DPYSL3: variants seen among roughly 807,000 people sequenced by gnomAD.
DPYSL3 encodes the protein dihydropyrimidinase like 3, also known as dihydropyrimidinase-related protein 3.
In DPYSL3, 16 loss-of-function variants were observed where a neutral mutation model predicts 66.1. The observed-to-expected ratio is 0.24, with a 90% CI of 0.16 to 0.37. The LOEUF (loss-of-function observed/expected upper bound fraction) is 0.37. DPYSL3 is among the 10% of genes least tolerant of loss of function. DPYSL3 has a pLI of 1.00. For synonymous variants in DPYSL3, 338 were observed against 345.1 expected (o/e 0.98, Z 0.23); for missense variants, 738 against 916.2 (o/e 0.81, Z 2.51).
intron 7 of DPYSL3, among the ~76,000 whole-genome samples, chr5:147,406,543 A>G (rs1474162219): frequency 5.3e-5 from 8 of 152,304 alleles, no homozygotes; most frequent in African/African-American, 1.7e-4. Flanking sequence ...GGATTAAATG[A>G]GTTCATCCTT....
chr5:147,457,053 T>C (rs951270353), intron 1 of DPYSL3, among the ~76,000 whole-genome samples: 1 of 151,702 alleles, frequency 6.6e-6, no homozygotes, highest in Non-Finnish European at 1.5e-5. Context: ...CATTCATTCA[T>C]TCTCAAAATA....
intron 3 of DPYSL3, among the ~76,000 whole-genome samples, chr5:147,416,435 C>T (rs1458053622): frequency 6.6e-6 from 1 of 152,194 alleles, no homozygotes; most frequent in Non-Finnish European, 1.5e-5. Flanking sequence ...GCCCGCAGAT[C>T]TTATTTCCAT....
At chr5:147,424,288 T>C (rs1752146798) in intron 2 of DPYSL3, among the ~76,000 whole-genome samples, 1 of 152,232 alleles carries the variant, frequency 6.6e-6, no homozygotes, top group African/African-American at 2.4e-5. Flanking sequence ...ACTTTGTTTT[T>C]TGTGATGAAA....
chr5:147,393,939 C>T lies in DPYSL3; in HGVS notation c.*96G>A, dbSNP rs1033746347. On this transcript the variant is annotated 3_prime_UTR_variant, in exon 14 of 14. Transcript: ENST00000343218. Reference sequence around the variant, plus strand: ...GCTTATTGATTCTTTAGATCACAACCGTTTGGATTCGCTTTCCTTCTTAAA... The same window carrying T: ...GCTTATTGATTCTTTAGATCACAACTGTTTGGATTCGCTTTCCTTCTTAAA... The T allele has an allele frequency of 6.4e-6, 8 of 1,247,616 alleles. No individual in the cohort carries two copies. In the East Asian group the frequency reaches 1.4e-4, roughly 22 times the overall value. 77.3% of individuals were successfully genotyped at this position (1,247,616 alleles called of 1,614,324 possible). A position where few individuals can be genotyped will look rare whatever the true frequency, so the allele number is the denominator to read the frequency against.
intron 3 of DPYSL3, among the ~76,000 whole-genome samples, chr5:147,417,314 C>T (rs1024044536): frequency 3.3e-5 from 5 of 152,192 alleles, no homozygotes; most frequent in African/African-American, 4.8e-5. Flanking sequence ...AAAGCAAATG[C>T]GTGGAGCTAC....
At chr5:147,453,902 A>T (rs1199717154) in intron 1 of DPYSL3, 8 of 412,692 alleles carry the variant, frequency 1.9e-5, no homozygotes, top group African/African-American at 1.7e-4. Context: ...AGAATGGCTG[A>T]TCTGCGACTC....
intron 8 of DPYSL3, among the ~76,000 whole-genome samples, chr5:147,403,289 G>A (rs1758244831): frequency 6.6e-6 from 1 of 152,118 alleles, no homozygotes; most frequent in Non-Finnish European, 1.5e-5. Flanking sequence ...AAGGATACAG[G>A]ACCATAAAGA....
chr5:147,454,157 C>G (rs1752802986), intron 1 of DPYSL3: 1 of 152,252 alleles, frequency 6.6e-6, no homozygotes, highest in South Asian at 2.1e-4. Context: ...GCCAGCTCCT[C>G]GTCGGATCTC....
In DPYSL3 at chr5:147,489,101, T is replaced by C. The variant is rs184294548; in HGVS notation, c.381+20377A>G. On this transcript the variant is annotated intron_variant, in intron 1 of 13. Coordinates refer to ENST00000343218, the MANE Select transcript of DPYSL3 (RefSeq NM_001197294.2). ...GTAACTGTTGGAGTCCCTCTCCACT[T>C]CTTCCTTTCCATGCTCTATCTCCTG... Among the ~76,000 whole-genome samples the C allele has an allele frequency of 2.6e-5, 4 of 152,278 alleles. No homozygotes were observed. The East Asian group carries it at 7.7e-4, about 29-fold the overall frequency.
chr5:147,496,658 A>G (rs1484994782), intron 1 of DPYSL3, among the ~76,000 whole-genome samples: 1 of 152,240 alleles, frequency 6.6e-6, no homozygotes, highest in East Asian at 1.9e-4. Context: ...AATGCTCATC[A>G]TCACTGGCCA....
chr5:147,431,875 G>T (rs1052205808), intron 1 of DPYSL3, among the ~76,000 whole-genome samples: 9 of 152,118 alleles, frequency 5.9e-5, no homozygotes, highest in African/African-American at 2.2e-4. Flanking sequence ...TGTAGAGAGG[G>T]CAGTAAGGTC....
At position 147,509,791 on chromosome 5, in the gene DPYSL3, G is replaced by A; in HGVS notation, c.68C>T (p.Pro23Leu). 2 of 1,535,966 alleles carry A rather than the reference G, an allele frequency of 1.3e-6. No individual in the cohort carries two copies. The highest frequency in any genetic ancestry group is 1.7e-6 in the Non-Finnish European group (2 of 1,146,796). The change falls in exon 1 of 14, where the codon CCG (proline) becomes CTG (leucine). Residue 23 changes from proline to leucine, a missense_variant. By Grantham distance (98) the Pro-to-Leu change is moderately conservative. Coordinates refer to ENST00000343218, the MANE Select transcript of DPYSL3 (RefSeq NM_001197294.2). The surrounding 1 kb of genome is among the most constrained non-coding windows in gnomAD (Gnocchi z 5.3). ...EDDLPVYLAR[P>L]GTTDQVPRQK... The stretch of plus-strand genomic sequence containing the variant: ...CCGCGGGACCTGGTCCGTGGTGCCC[G>A]GCCTGGCCAGGTACACGGGCAGATC...
chr5:147,442,177 C>A (rs1467642804), intron 1 of DPYSL3, among the ~76,000 whole-genome samples: 1 of 152,202 alleles, frequency 6.6e-6, no homozygotes, highest in East Asian at 1.9e-4. Flanking sequence ...AACAAACACA[C>A]ATACACACAG....
rs1757898171 is a variant in DPYSL3 at position 147,394,115 on chromosome 5, C to G, written c.1975G>C (p.Val659Leu). ...QSGFSLSGTQ[V>L]DEGVRSASKR... ...CTGGCTGAGCGAACCCCCTCATCCA[C>G]TTGGGTGCCTACAGTTGGAAATAAA... Residue 659 changes from valine (V) to leucine (L), a missense_variant, in exon 14 of 14, where the codon GTG becomes CTG. Coordinates refer to ENST00000343218, the MANE Select transcript of DPYSL3 (RefSeq NM_001197294.2). 1.2e-6 allele frequency: 2 copies of G among 1,614,026 alleles called. No individual in the cohort carries two copies. The highest frequency in any genetic ancestry group is 4.5e-5 in the East Asian group (2 of 44,836).
chr5:147,494,465 A>G lies in DPYSL3; in HGVS notation c.381+15013T>C, dbSNP rs181800400. Among the ~76,000 whole-genome samples the G allele has an allele frequency of 2.0e-5, 3 of 152,184 alleles. No homozygotes were observed. The East Asian group carries it at 5.8e-4, about 29-fold the overall frequency. Reference sequence around the variant, plus strand: ...GGCTCTTCAAAAAGATCAATAAAATAGATATGTCTCTAGCCAGGCTAACAA... The same window carrying G: ...GGCTCTTCAAAAAGATCAATAAAATGGATATGTCTCTAGCCAGGCTAACAA... On this transcript the variant is annotated intron_variant, in intron 1 of 13. Coordinates refer to ENST00000343218, the MANE Select transcript of DPYSL3 (RefSeq NM_001197294.2).
intron 1 of DPYSL3, among the ~76,000 whole-genome samples, chr5:147,466,848 C>T (rs1030711286): frequency 1.3e-5 from 2 of 152,140 alleles, no homozygotes; most frequent in East Asian, 1.9e-4. Context: ...GTTCTGGCTC[C>T]GTTTTGCGGG....
intron 8 of DPYSL3, among the ~76,000 whole-genome samples, chr5:147,402,969 G>T (rs1758236649): frequency 6.6e-6 from 1 of 152,100 alleles, no homozygotes. Flanking sequence ...CTTTAACTTT[G>T]GTCCTCCAAC....
At chr5:147,433,716 G>T (rs544176488) in intron 1 of DPYSL3, among the ~76,000 whole-genome samples, 1 of 152,290 alleles carries the variant, frequency 6.6e-6, no homozygotes, top group Non-Finnish European at 1.5e-5. Flanking sequence ...GAGAGTTAAA[G>T]ACATGATGCA....
intron 1 of DPYSL3, among the ~76,000 whole-genome samples, chr5:147,482,622 G>A (rs1393095366): frequency 6.6e-6 from 1 of 152,182 alleles, no homozygotes; most frequent in Non-Finnish European, 1.5e-5. Flanking sequence ...CCACCAAGGG[G>A]TAGAGGCTGG....
Sources: gnomAD v4.1 joint callset for allele counts (sites outside exome capture counted in the v4.1 genomes callset) on GRCh38, gnomAD v4.1.1 for gene constraint, Gnocchi (gnomAD v3.1) non-coding constraint, MANE v1.5 for transcripts, NCBI Gene and HGNC (gene_info 2026-07-23, HGNC 2026-07-21) for gene names.